BMP2K: variants seen among roughly 807,000 people sequenced by gnomAD.
BMP2K encodes the protein BMP2 inducible kinase.
Under a neutral mutation model 116.0 loss-of-function variants are expected in BMP2K, and 74 were observed. The ratio of observed to expected loss-of-function variants is 0.64; its 90% CI spans 0.53 to 0.77. The LOEUF is 0.77. BMP2K is among the 30% of genes least tolerant of loss of function. The pLI is 0.00. For synonymous variants in BMP2K, 486 were observed against 502.5 expected (o/e 0.97, Z 0.44); for missense variants, 1,365 against 1,403.6 (o/e 0.97, Z 0.44).
rs112619803 is a variant in BMP2K at position 78,833,562 on chromosome 4, A to ATTTTT, written c.298-13_298-9dup. On this transcript the variant is annotated intron_variant, in intron 2 of 15. Coordinates refer to ENST00000502613, the MANE Select transcript of BMP2K (RefSeq NM_198892.2). ...TTTAAATGTACATTTTCCAGTTTTCATTTTTTTTTTTCTTTCCAGAAAGAG... is the reference window on the plus strand; with the variant it reads ...TTTAAATGTACATTTTCCAGTTTTCATTTTTTTTTTTTTTTTCTTTCCAGAAAGAG... 2 of 1,199,666 alleles carry ATTTTT rather than the reference A, an allele frequency of 1.7e-6. No individual in the cohort carries two copies. The highest frequency in any genetic ancestry group is 1.2e-6 in the Non-Finnish European group (1 of 868,476). The allele number at this position is 1,199,666 out of a possible 1,614,324, so 74.3% of individuals were successfully genotyped here. A position where few individuals can be genotyped will look rare whatever the true frequency, so the allele number is the denominator to read the frequency against.
Position 78,872,596 on chromosome 4 carries a change from T to C in BMP2K, c.1609-18T>C, listed in dbSNP as rs747023700. 1.9e-6 allele frequency: 3 copies of C among 1,611,228 alleles called. No homozygotes were observed. The African/African-American group carries it at 4.0e-5, about 21-fold the overall frequency. ...AGGACTGGAGCATTGTTTTGTATAA[T>C]ATCATTTCTTTTTTCAGATGCCGCA... On this transcript the variant is annotated intron_variant, in intron 12 of 15. Transcript: ENST00000502613.
At chr4:78,878,614 T>G in intron 13 of BMP2K, 120 bp from the exon 14 acceptor site, 1 of 834,828 alleles carries the variant, frequency 1.2e-6, no homozygotes, top group Non-Finnish European at 1.8e-6. Flanking sequence ...GTCATCTCTG[T>G]CATAAGGAAA....
chr4:78,887,514 CT>C (rs1733161794), intron 15 of BMP2K, among the ~76,000 whole-genome samples: 1 of 151,978 alleles, frequency 6.6e-6, no homozygotes, highest in Admixed American at 6.6e-5. Flanking sequence ...AGAAACATAA[CT>C]GCTTCTTTTC....
chr4:78,854,966 A>G (rs1261914935), intron 7 of BMP2K, among the ~76,000 whole-genome samples: 1 of 152,084 alleles, frequency 6.6e-6, no homozygotes. Flanking sequence ...TTGAAATGAA[A>G]GATGAAGATA....
At chr4:78,901,732 C>A (rs1029560715) in intron 15 of BMP2K, among the ~76,000 whole-genome samples, 2 of 152,094 alleles carry the variant, frequency 1.3e-5, no homozygotes, top group African/African-American at 4.8e-5. Flanking sequence ...TGTGGACCAC[C>A]CCATTTTAAT....
chr4:78,888,574 T>G (rs1733236676), intron 15 of BMP2K, among the ~76,000 whole-genome samples: 2 of 152,166 alleles, frequency 1.3e-5, no homozygotes, highest in South Asian at 4.1e-4. Flanking sequence ...TAATAGCATC[T>G]GAAAGAACCC....
At chr4:78,872,847 G>C (rs1486002237) in intron 13 of BMP2K, 49 bp downstream of exon 13, 4 of 1,558,164 alleles carry the variant, frequency 2.6e-6, no homozygotes, top group Non-Finnish European at 3.5e-6. Context: ...GGAAGTGGAA[G>C]TCATCGTTGA....
At chr4:78,814,388 T>C (rs75349253) in intron 1 of BMP2K, among the ~76,000 whole-genome samples, 356 of 152,322 alleles carry the variant, frequency 2.3e-3, no homozygotes, top group South Asian at 7.7e-3. Flanking sequence ...CCTGTTGATA[T>C]GGTTTGACTG....
chr4:78,838,197 A>T (rs141536955), intron 3 of BMP2K, among the ~76,000 whole-genome samples: 4 of 152,134 alleles, frequency 2.6e-5, no homozygotes, highest in Non-Finnish European at 5.9e-5. Flanking sequence ...AAACCATCGG[A>T]TGTCGTGAGA....
Position 78,839,645 on chromosome 4 carries a change from A to G in BMP2K, c.404-2740A>G, listed in dbSNP as rs147903968. On this transcript the variant is annotated intron_variant, in intron 3 of 15. Transcript: ENST00000502613. ...ATATAAAGGGGAGCTTTATATGTATATAAAGTATTACCTCATGAAATCACA... is the reference window on the plus strand; with the variant it reads ...ATATAAAGGGGAGCTTTATATGTATGTAAAGTATTACCTCATGAAATCACA... Among the ~76,000 whole-genome samples, 468 of 152,308 alleles carry G rather than the reference A, an allele frequency of 3.1e-3. 6 individuals carry two copies. The Middle Eastern group carries it at 0.051, about 17-fold the overall frequency.
Position 78,847,242 on chromosome 4 carries a change from A to T in BMP2K, c.723A>T (p.Lys241Asn), listed in dbSNP as rs774357554. 1 of 1,594,246 alleles carries T rather than the reference A, an allele frequency of 6.3e-7. No homozygotes were observed. Among genetic ancestry groups the T allele is most frequent in the South Asian group, 1.1e-5 (1 of 88,842 alleles). ...APEMINLYGGKPITTKADIWA... is the reference protein window; with the variant it reads ...APEMINLYGGNPITTKADIWA... ...AAATGATCAACCTTTATGGAGGGAA[A>T]CCCATCACCACCAAGGCTGATATCT... The change falls in exon 6 of 16, where the codon AAA becomes AAT. Residue 241 changes from lysine to asparagine, a missense_variant. Physicochemically the swap from Lys to Asn is moderately conservative, Grantham distance 94. This residue lies in a region of BMP2K where 762 missense variants were observed against 756.7 expected (regional missense o/e 1.01). Coordinates refer to ENST00000502613, the MANE Select transcript of BMP2K (RefSeq NM_198892.2).
chr4:78,861,503 A>G (rs1450052190), intron 9 of BMP2K, 35 bp downstream of exon 9: 4 of 1,477,060 alleles, frequency 2.7e-6, no homozygotes, highest in Non-Finnish European at 3.7e-6. Context: ...AAAAGGCATT[A>G]AAAAAAATGA....
At chr4:78,843,166 G>A (rs1222971019) in intron 4 of BMP2K, among the ~76,000 whole-genome samples, 1 of 151,860 alleles carries the variant, frequency 6.6e-6, no homozygotes, top group African/African-American at 2.4e-5. Context: ...TTCATGCCCA[G>A]AAGAACACTG....
rs1237626897 is a variant in BMP2K at position 78,826,034 on chromosome 4, T to C, written c.179-3T>C. 1.2e-6 allele frequency: 2 copies of C among 1,603,730 alleles called. No individual in the cohort carries two copies. Among genetic ancestry groups the C allele is most frequent in the Admixed American group, 1.7e-5 (1 of 59,026 alleles). On this transcript the variant is annotated splice_region_variant and splice_polypyrimidine_tract_variant and intron_variant, in intron 1 of 15. Coordinates refer to ENST00000502613, the MANE Select transcript of BMP2K (RefSeq NM_198892.2). ...TAAATTAATTGGTGCTTTGTTTTTC[T>C]AGGTGGATTCTCCACAGTTTTCCTC...
At chr4:78,823,837 C>T (rs1729751584) in intron 1 of BMP2K, among the ~76,000 whole-genome samples, 1 of 152,012 alleles carries the variant, frequency 6.6e-6, no homozygotes, top group Non-Finnish European at 1.5e-5. Flanking sequence ...TGTCTCAAAA[C>T]AAATGCTATT....
At chr4:78,798,391 A>G (rs1176217831) in intron 1 of BMP2K, among the ~76,000 whole-genome samples, 2 of 152,240 alleles carry the variant, frequency 1.3e-5, no homozygotes, top group Non-Finnish European at 2.9e-5. Context: ...GGACAGCCTG[A>G]TTAGGAAAAG....
chr4:78,843,758 C>T (rs1040668886), intron 4 of BMP2K, among the ~76,000 whole-genome samples: 6 of 151,728 alleles, frequency 4.0e-5, no homozygotes, highest in African/African-American at 1.2e-4. Context: ...TCCATTTCCC[C>T]TAATAATTTG....
At position 78,911,242 on chromosome 4, in the gene BMP2K, A is replaced by G. The variant is rs1369378324; in HGVS notation, c.2695A>G (p.Thr899Ala). ...GGAGCAGGAGGAATTTGATGTATTC[A>G]CAAAGGCGCCTTTTAGCAAGAAGGT... The part of the protein sequence containing the change: ...GLEQEEFDVF[T>A]KAPFSKKVNV... The change falls in exon 16 of 16, where the codon ACA becomes GCA. Residue 899 changes from threonine to alanine, a missense_variant. By Grantham distance (58) the Thr-to-Ala change is moderately conservative (BLOSUM62 0). This residue lies in a region of BMP2K where 596 missense variants were observed against 623.2 expected (regional missense o/e 0.96). Coordinates refer to ENST00000502613, the MANE Select transcript of BMP2K (RefSeq NM_198892.2). The G allele has an allele frequency of 6.2e-7, 1 of 1,613,876 alleles. No homozygotes were observed. Among genetic ancestry groups the G allele is most frequent in the Non-Finnish European group, 8.5e-7 (1 of 1,179,888 alleles).
At chr4:78,894,666 C>A (rs1451386714) in intron 15 of BMP2K, among the ~76,000 whole-genome samples, 1 of 152,234 alleles carries the variant, frequency 6.6e-6, no homozygotes, top group South Asian at 2.1e-4. Flanking sequence ...TCTTACCGTT[C>A]ATCACTGATC....
Sources: gnomAD v4.1 joint callset for allele counts (sites outside exome capture counted in the v4.1 genomes callset) on GRCh38, gnomAD v4.1.1 for gene constraint, gnomAD v4.1.1 regional missense constraint, MANE v1.5 for transcripts, NCBI Gene and HGNC (gene_info 2026-07-23, HGNC 2026-07-21) for gene names.